Variants in RBFOX1 observed in about 807,000 individuals in gnomAD.
The protein encoded by RBFOX1 is RNA binding protein fox-1 homolog 1.
In RBFOX1, 8 loss-of-function variants were observed where a neutral mutation model predicts 57.7. The ratio of observed to expected loss-of-function variants is 0.14; its 90% CI spans 0.08 to 0.25. RBFOX1 has a LOEUF of 0.25. Ranked by LOEUF, RBFOX1 falls within the 10% of genes least tolerant of loss-of-function variation. The pLI is 1.00. For synonymous variants in RBFOX1, 326 were observed against 222.4 expected, an observed-to-expected ratio of 1.47 and a Z score of -4.15; for missense variants, 611 against 548.5, an observed-to-expected ratio of 1.11 and a Z score of -1.14.
At chr16:7,567,784 T>C (rs116019329) in intron 5 of RBFOX1, among the ~76,000 whole-genome samples, 18,841 of 146,160 alleles carry the variant, frequency 0.13, 1,567 homozygotes, top group South Asian at 0.22. Flanking sequence ...TCTATATATA[T>C]CCATATGTAT....
intron 2 of RBFOX1, among the ~76,000 whole-genome samples, chr16:6,572,465 C>T (rs930110902): frequency 6.6e-6 from 1 of 152,156 alleles, no homozygotes; most frequent in African/African-American, 2.4e-5. Flanking sequence ...AGACACTAAG[C>T]GTGCATGTAC....
At chr16:5,579,294 C>G (rs181083273) in intron 2 of RBFOX1, among the ~76,000 whole-genome samples, 10 of 152,108 alleles carry the variant, frequency 6.6e-5, no homozygotes, top group Non-Finnish European at 1.3e-4. Context: ...TCTTGCCTCC[C>G]GTCCGTCACT....
At chr16:5,623,223 G>A (rs1234637115) in intron 3 of RBFOX1, among the ~76,000 whole-genome samples, 1 of 152,148 alleles carries the variant, frequency 6.6e-6, no homozygotes, top group African/African-American at 2.4e-5. Flanking sequence ...AAGGGGTGTG[G>A]TACATCTTAT....
At chr16:5,447,279 C>T (rs1158841844) in intron 1 of RBFOX1, among the ~76,000 whole-genome samples, 2 of 152,142 alleles carry the variant, frequency 1.3e-5, no homozygotes, top group Non-Finnish European at 2.9e-5. Context: ...AGGTCAAATC[C>T]TGGCTCTGCA....
intron 4 of RBFOX1, among the ~76,000 whole-genome samples, chr16:7,352,737 A>G (rs1244148350): frequency 1.3e-5 from 2 of 152,078 alleles, no homozygotes; most frequent in African/African-American, 4.8e-5. Flanking sequence ...TTATTTTGAG[A>G]CAGGGTCTCA....
intron 14 of RBFOX1, among the ~76,000 whole-genome samples, chr16:7,689,326 C>T (rs950992534): frequency 6.6e-6 from 1 of 152,082 alleles, no homozygotes; most frequent in Non-Finnish European, 1.5e-5. Context: ...AATAATCTTC[C>T]TGGGACAGGT....
intron 1 of RBFOX1, among the ~76,000 whole-genome samples, chr16:5,264,225 A>G (rs1169448690): frequency 1.3e-5 from 2 of 152,142 alleles, no homozygotes; most frequent in Non-Finnish European, 2.9e-5. Flanking sequence ...AGAGCTTTAC[A>G]GTGATGATGA....
intron 4 of RBFOX1, among the ~76,000 whole-genome samples, chr16:7,096,856 C>T (rs1356325675): frequency 6.7e-5 from 9 of 134,418 alleles, no homozygotes; most frequent in Admixed American, 2.7e-4. Flanking sequence ...CACTTGAACC[C>T]GGGAGGCGGA....
intron 1 of RBFOX1, among the ~76,000 whole-genome samples, chr16:5,298,368 A>T (rs1257948950): frequency 1.3e-5 from 2 of 151,940 alleles, no homozygotes; most frequent in Admixed American, 1.3e-4. Context: ...GTGTTGGGGT[A>T]AATAAGTCTA....
chr16:5,977,521 C>T (rs909953727), intron 4 of RBFOX1, among the ~76,000 whole-genome samples: 2 of 152,072 alleles, frequency 1.3e-5, no homozygotes, highest in African/African-American at 4.8e-5. Flanking sequence ...GAGAGCATGG[C>T]GATGCTTCGG....
At chr16:6,116,729 A>G (rs1424226049) in intron 1 of RBFOX1, among the ~76,000 whole-genome samples, 1 of 152,216 alleles carries the variant, frequency 6.6e-6, no homozygotes, top group Non-Finnish European at 1.5e-5. Context: ...GTTATTTGCA[A>G]GTACACATAC....
At chr16:6,488,106 A>G (rs1481770063) in intron 2 of RBFOX1, among the ~76,000 whole-genome samples, 1 of 152,142 alleles carries the variant, frequency 6.6e-6, no homozygotes, top group Non-Finnish European at 1.5e-5. Flanking sequence ...TATTTGCCCA[A>G]TGTTTGTTTT....
At chr16:5,731,908 A>G (rs554643804) in intron 3 of RBFOX1, among the ~76,000 whole-genome samples, 3 of 152,204 alleles carry the variant, frequency 2.0e-5, no homozygotes, top group East Asian at 1.9e-4. Context: ...GTAGCCTATT[A>G]TCTTGTCTGT....
intron 1 of RBFOX1, among the ~76,000 whole-genome samples, chr16:5,433,103 T>C (rs1362316079): frequency 2.0e-5 from 3 of 152,224 alleles, no homozygotes; most frequent in Non-Finnish European, 4.4e-5. Flanking sequence ...ACAACAACCC[T>C]GAGCTTCCAC....
At chr16:6,665,182 C>T (rs1224652220) in intron 3 of RBFOX1, among the ~76,000 whole-genome samples, 3 of 152,178 alleles carry the variant, frequency 2.0e-5, no homozygotes, top group African/African-American at 7.2e-5. Context: ...GCTTCTTTTT[C>T]AGTGGCTTAG....
intron 2 of RBFOX1, among the ~76,000 whole-genome samples, chr16:6,478,429 A>ATATATATTT (rs1159954387): frequency 6.5e-4 from 16 of 24,618 alleles, no homozygotes; most frequent in African/African-American, 7.6e-4. Flanking sequence ...ATATATATAT[A>ATATATATTT]TTTTTTTTTT....
At chr16:6,789,119 GA>G in intron 3 of RBFOX1, among the ~76,000 whole-genome samples, 1 of 151,630 alleles carries the variant, frequency 6.6e-6, no homozygotes. Context: ...ACCAGATTAG[GA>G]TTTTAGTGAA....
At chr16:5,817,878 G>T (rs1311800837) in intron 3 of RBFOX1, among the ~76,000 whole-genome samples, 4 of 151,976 alleles carry the variant, frequency 2.6e-5, no homozygotes, top group Non-Finnish European at 4.4e-5. Context: ...TTTTAGTAGA[G>T]TTGGGGATTC....
At chr16:6,826,448 GGTT>G (rs141552316) in intron 3 of RBFOX1, among the ~76,000 whole-genome samples, 2,361 of 152,176 alleles carry the variant, frequency 0.016, 59 homozygotes, top group African/African-American at 0.054. Context: ...AATTCCCATG[GGTT>G]GTTAAGAGGC....
Sources: gnomAD v4.1 joint callset for allele counts (sites outside exome capture counted in the v4.1 genomes callset) on GRCh38, gnomAD v4.1.1 for gene constraint, MANE v1.5 for transcripts, NCBI Gene and HGNC (gene_info 2026-07-23, HGNC 2026-07-21) for gene names.